The following RERE variants were observed in gnomAD, a reference collection of about 807,000 sequenced individuals.
The protein encoded by RERE is arginine-glutamic acid dipeptide repeats, also known as arginine-glutamic acid dipeptide repeats protein.
In RERE, 40 loss-of-function variants were observed where a neutral mutation model predicts 146.1. The ratio of observed to expected loss-of-function variants is 0.27; its 90% CI spans 0.21 to 0.36. The LOEUF is 0.36. RERE is among the 10% of genes least tolerant of loss of function. The probability of loss-of-function intolerance (pLI) is 1.00; values close to 1 mark genes in which losing one functional copy is unlikely to be tolerated. For synonymous variants in RERE, 1,003 were observed against 866.0 expected, an observed-to-expected ratio of 1.16 and a Z score of -2.78; for missense variants, 1,933 against 2,138.7, an observed-to-expected ratio of 0.90 and a Z score of 1.90.
chr1:8,794,895 C>T (rs1456045202), intron 1 of RERE, among the ~76,000 whole-genome samples: 2 of 152,120 alleles, frequency 1.3e-5, no homozygotes, highest in Non-Finnish European at 2.9e-5. Flanking sequence ...ACACTGCAGC[C>T]TCAACTTCCC....
At chr1:8,514,112 G>A (rs1183547055) in intron 7 of RERE, among the ~76,000 whole-genome samples, 3 of 152,190 alleles carry the variant, frequency 2.0e-5, no homozygotes, top group African/African-American at 7.2e-5. Context: ...GCTCAGAGTG[G>A]TGAGTACAAG....
chr1:8,521,434 G>A (rs970590834), intron 7 of RERE, among the ~76,000 whole-genome samples: 49 of 152,078 alleles, frequency 3.2e-4, no homozygotes, highest in Admixed American at 6.6e-5. Flanking sequence ...TTGAGGCCAG[G>A]AGTTCGAGAC....
At chr1:8,779,119 T>A (rs550175848) in intron 1 of RERE, among the ~76,000 whole-genome samples, 93 of 151,464 alleles carry the variant, frequency 6.1e-4, no homozygotes, top group Non-Finnish European at 1.2e-3. Context: ...AATGCTGGGA[T>A]TACAGGCATG....
At chr1:8,772,747 C>T (rs1337195942) in intron 1 of RERE, among the ~76,000 whole-genome samples, 1 of 151,908 alleles carries the variant, frequency 6.6e-6, no homozygotes, top group Non-Finnish European at 1.5e-5. Context: ...CCACTGCACT[C>T]CAGCCTGGGC....
chr1:8,811,949 C>T (rs1430094883), intron 1 of RERE, among the ~76,000 whole-genome samples: 3 of 152,204 alleles, frequency 2.0e-5, no homozygotes, highest in Non-Finnish European at 2.9e-5. Context: ...GGTATCTGGT[C>T]GCTAAAGCTG....
chr1:8,422,267 A>G (rs1350261807), intron 12 of RERE, among the ~76,000 whole-genome samples: 1 of 152,214 alleles, frequency 6.6e-6, no homozygotes, highest in East Asian at 1.9e-4. Context: ...ACTCCTCTTC[A>G]AAACAGAGCA....
At chr1:8,810,497 T>C (rs1250311699) in intron 1 of RERE, among the ~76,000 whole-genome samples, 1 of 152,124 alleles carries the variant, frequency 6.6e-6, no homozygotes, top group Non-Finnish European at 1.5e-5. Flanking sequence ...TCCCAGCTAC[T>C]CAGGTGGCTG....
chr1:8,651,961 G>A (rs1320298522), intron 2 of RERE, among the ~76,000 whole-genome samples: 2 of 152,114 alleles, frequency 1.3e-5, no homozygotes, highest in Non-Finnish European at 2.9e-5. Flanking sequence ...GATTACAGGT[G>A]TGAGCCACCT....
chr1:8,564,616 AT>A (rs1397207652), intron 4 of RERE, among the ~76,000 whole-genome samples: 1 of 152,168 alleles, frequency 6.6e-6, no homozygotes, highest in Non-Finnish European at 1.5e-5. Context: ...CTGAAATTAA[AT>A]TTAATTCAAT....
At chr1:8,812,065 C>G (rs2124608068) in intron 1 of RERE, among the ~76,000 whole-genome samples, 1 of 152,248 alleles carries the variant, frequency 6.6e-6, no homozygotes, top group African/African-American at 2.4e-5. Flanking sequence ...AATTTCTGTT[C>G]TACTTTTCCC....
chr1:8,447,180 G>A (rs528216331), intron 11 of RERE, among the ~76,000 whole-genome samples: 19 of 150,824 alleles, frequency 1.3e-4, no homozygotes, highest in African/African-American at 4.1e-4. Flanking sequence ...GGTTATTCTA[G>A]TTAGCAGTTC....
At chr1:8,603,207 T>A (rs1646655295) in intron 4 of RERE, among the ~76,000 whole-genome samples, 1 of 152,240 alleles carries the variant, frequency 6.6e-6, no homozygotes, top group Non-Finnish European at 1.5e-5. Flanking sequence ...TGGCTCTAAG[T>A]TTACATATAA....
In RERE at chr1:8,361,711, G is replaced by A. The variant is rs58547455; in HGVS notation, c.2016+52C>T. ...CAACTAGGGAGAACCCCGGCTGGGG[G>A]CTTCTGAAGAAGCATTAGCTTTACT... On this transcript the variant is annotated intron_variant, in intron 17 of 22. Transcript: ENST00000400908. 4,483 of 1,501,028 alleles carry A rather than the reference G, an allele frequency of 3.0e-3. 122 individuals carry two copies. In the African/African-American group the frequency reaches 0.054, roughly 18 times the overall value. 93.0% of individuals were successfully genotyped at this position (1,501,028 alleles called of 1,614,324 possible).
chr1:8,372,294 A>G (rs1180219435), intron 12 of RERE, among the ~76,000 whole-genome samples: 2 of 152,188 alleles, frequency 1.3e-5, no homozygotes, highest in Admixed American at 1.3e-4. Flanking sequence ...GGAGAAGGTT[A>G]AATCAATGGT....
intron 1 of RERE, among the ~76,000 whole-genome samples, chr1:8,668,650 T>C (rs1035819905): frequency 1.7e-4 from 26 of 152,202 alleles, no homozygotes; most frequent in Non-Finnish European, 3.8e-4. Context: ...TACAGATATA[T>C]GTTACAACAT....
intron 1 of RERE, among the ~76,000 whole-genome samples, chr1:8,710,412 A>G (rs1442779058): frequency 6.6e-6 from 1 of 152,280 alleles, no homozygotes; most frequent in East Asian, 1.9e-4. Flanking sequence ...AACTCTGAAT[A>G]GCACACTTTA....
chr1:8,374,361 T>TA (rs908484177), intron 12 of RERE, among the ~76,000 whole-genome samples: 110 of 147,954 alleles, frequency 7.4e-4, no homozygotes, highest in Middle Eastern at 7.6e-3. Context: ...AAAAATCAGT[T>TA]AAAAAAAATT....
chr1:8,362,840 G>A lies in RERE; in HGVS notation c.1745C>T (p.Ser582Leu), dbSNP rs377540500. 2.0e-5 allele frequency: 32 copies of A among 1,610,168 alleles called. No individual in the cohort carries two copies. Among genetic ancestry groups the A allele is most frequent in the African/African-American group, 2.7e-5 (2 of 74,868 alleles). The change falls in exon 16 of 23, where the codon TCG becomes TTG. Residue 582 changes from serine to leucine, a missense_variant. Physicochemically the swap from Ser to Leu is moderately radical, Grantham distance 145. Transcript: ENST00000400908. ...MRTRRSRGSM[S>L]TLRSGRKKQP... ...CTTCTTCCGACCACTGCGTAGTGTCGACATCTGCCCACCCAAACCGAAGAC... is the reference window on the plus strand; with the variant it reads ...CTTCTTCCGACCACTGCGTAGTGTCAACATCTGCCCACCCAAACCGAAGAC...
At chr1:8,400,778 A>G (rs1643220693) in intron 12 of RERE, among the ~76,000 whole-genome samples, 1 of 145,150 alleles carries the variant, frequency 6.9e-6, no homozygotes, top group Non-Finnish European at 1.5e-5. Context: ...CTGAGGCAAG[A>G]GGATCACTTG....
Sources: allele counts gnomAD v4.1 joint callset (sites outside exome capture counted in the v4.1 genomes callset), GRCh38; gene constraint gnomAD v4.1.1; transcripts MANE v1.5; gene names NCBI Gene and HGNC (gene_info 2026-07-23, HGNC 2026-07-21).